C2orf92: variants seen among roughly 807,000 people sequenced by gnomAD.
C2orf92 encodes chromosome 2 open reading frame 92, also known as uncharacterized protein C2orf92.
intron 5 of C2orf92, among the ~76,000 whole-genome samples, chr2:97,693,477 G>T (rs971988683): frequency 6.6e-6 from 1 of 152,070 alleles, no homozygotes; most frequent in Non-Finnish European, 1.5e-5. Context: ...TCACATCCTT[G>T]TTAACATTTG....
Position 97,702,901 on chromosome 2 carries a change from G to A in C2orf92, c.*100G>A, listed in dbSNP as rs77652378. ...AGGCAATTCCATTTCTGCCCGGGAG[G>A]TGTATTCTACAAAAACGTCTGCTTC... On this transcript the variant is annotated 3_prime_UTR_variant, in exon 8 of 8. Transcript: ENST00000627399. The A allele has an allele frequency of 1.7e-3, 691 of 397,556 alleles. 1 individual carries two copies. Among genetic ancestry groups the A allele is most frequent in the African/African-American group, 0.01 (507 of 48,718 alleles). The allele number at this position is 397,556 out of a possible 1,614,324, so 24.6% of individuals were successfully genotyped here.
upstream of C2orf92, chr2:97,663,980 C>A: frequency 1.2e-6 from 1 of 829,654 alleles, no homozygotes; most frequent in Non-Finnish European, 1.6e-6. Context: ...GCGGCGGCTC[C>A]CGACGCGGCG....
At chr2:97,702,573 G>A (rs954167227) in intron 7 of C2orf92, 96 bp from the exon 8 acceptor site, 4 of 397,428 alleles carry the variant, frequency 1.0e-5, no homozygotes, top group African/African-American at 6.2e-5. Context: ...GAATCCTCAC[G>A]CTGGGAAGCG....
intron 5 of C2orf92, among the ~76,000 whole-genome samples, chr2:97,695,018 T>A (rs1241339683): frequency 6.6e-6 from 1 of 152,238 alleles, no homozygotes; most frequent in Non-Finnish European, 1.5e-5. Flanking sequence ...TTGTATATTG[T>A]TGGGTGTCAG....
intron 6 of C2orf92, among the ~76,000 whole-genome samples, chr2:97,699,843 T>C (rs1392205948): frequency 6.6e-6 from 1 of 152,324 alleles, no homozygotes; most frequent in African/African-American, 2.4e-5. Flanking sequence ...GCTTAGAAAT[T>C]AAATGCTGAA....
intron 3 of C2orf92, among the ~76,000 whole-genome samples, chr2:97,678,093 G>A (rs1012505647): frequency 6.6e-6 from 1 of 152,024 alleles, no homozygotes; most frequent in African/African-American, 2.4e-5. Context: ...CCACCTACTC[G>A]GGAGGCTGAG....
At chr2:97,702,557 G>C in intron 7 of C2orf92, 112 bp from the exon 8 acceptor site, 1 of 397,098 alleles carries the variant, frequency 2.5e-6, no homozygotes, top group Non-Finnish European at 4.4e-6. Context: ...TTACTGATGG[G>C]AAGCAGAATC....
chr2:97,667,671 A>G (rs1448243604), upstream of C2orf92, among the ~76,000 whole-genome samples: 1 of 151,972 alleles, frequency 6.6e-6, no homozygotes, highest in African/African-American at 2.4e-5. Flanking sequence ...TGACCTTGTG[A>G]TCTGCCTGCC....
chr2:97,692,025 T>C (rs900443462), intron 5 of C2orf92, among the ~76,000 whole-genome samples: 3 of 152,358 alleles, frequency 2.0e-5, no homozygotes, highest in African/African-American at 7.2e-5. Flanking sequence ...ATGTGAACTT[T>C]AACATCAACT....
rs1386178386 is a variant in C2orf92, at chr2:97,700,286, T to C, written c.515-868T>C. Reference sequence around the variant, plus strand: ...TGGCCTTGTGTTTGCCTCGTGCTGGTGCAGACATGAAATCTCCCAAACCTA... The same window carrying C: ...TGGCCTTGTGTTTGCCTCGTGCTGGCGCAGACATGAAATCTCCCAAACCTA... On this transcript the variant is annotated intron_variant, in intron 6 of 7. Coordinates refer to ENST00000627399, the MANE Select transcript of C2orf92 (RefSeq NM_001351368.2). 3.3e-5 allele frequency among the ~76,000 whole-genome samples: 5 copies of C among 152,290 alleles called. No individual in the cohort carries two copies. The East Asian group carries it at 9.6e-4, about 29-fold the overall frequency.
intron 5 of C2orf92, among the ~76,000 whole-genome samples, chr2:97,695,649 T>C (rs990573259): frequency 6.6e-6 from 1 of 152,264 alleles, no homozygotes; most frequent in Non-Finnish European, 1.5e-5. Flanking sequence ...AAACTGTTTC[T>C]TCAGTCAATT....
upstream of C2orf92, chr2:97,667,859 CATT>C (rs1411984386): frequency 7.9e-5 from 12 of 152,100 alleles, no homozygotes; most frequent in African/African-American, 2.7e-4. Context: ...GAATAAACAT[CATT>C]GTTTTTTTAG....
intron 3 of C2orf92, among the ~76,000 whole-genome samples, chr2:97,679,242 A>G (rs745827262): frequency 2.6e-5 from 4 of 152,142 alleles, no homozygotes; most frequent in South Asian, 2.1e-4. Context: ...GGTTTCATCT[A>G]TAACTTCTGC....
chr2:97,689,328 A>G (rs1338040951), intron 4 of C2orf92, among the ~76,000 whole-genome samples: 1 of 152,214 alleles, frequency 6.6e-6, no homozygotes, highest in Non-Finnish European at 1.5e-5. Flanking sequence ...CCCCAGCAGC[A>G]TCCTAACTTT....
chr2:97,698,885 G>A, intron 5 of C2orf92, 141 bp from the exon 6 acceptor site: 1 of 393,552 alleles, frequency 2.5e-6, no homozygotes, highest in Non-Finnish European at 4.5e-6. Context: ...AAACACTGAG[G>A]TTCTGTAGGA....
chr2:97,695,378 A>G (rs1297946257), intron 5 of C2orf92, among the ~76,000 whole-genome samples: 1 of 152,184 alleles, frequency 6.6e-6, no homozygotes, highest in Non-Finnish European at 1.5e-5. Context: ...TTCGCATATG[A>G]TATCCTGTTT....
intron 5 of C2orf92, among the ~76,000 whole-genome samples, chr2:97,696,499 G>A (rs1676309540): frequency 6.6e-6 from 1 of 152,222 alleles, no homozygotes; most frequent in Non-Finnish European, 1.5e-5. Context: ...CACTTGGGAG[G>A]CCGAGGCAGG....
upstream of C2orf92, among the ~76,000 whole-genome samples, chr2:97,666,426 A>G (rs1192948585): frequency 6.6e-6 from 1 of 150,474 alleles, no homozygotes; most frequent in East Asian, 2.0e-4. Context: ...TGTCCCAGCT[A>G]CTCAGGAGGC....
At chr2:97,675,595 A>G (rs1028425948) in intron 2 of C2orf92, 3 of 367,504 alleles carry the variant, frequency 8.2e-6, no homozygotes, top group Admixed American at 4.6e-5. Context: ...CATGTGCACA[A>G]ATCTCTCAAT....
Sources: allele counts gnomAD v4.1 joint callset (sites outside exome capture counted in the v4.1 genomes callset), GRCh38; gene constraint gnomAD v4.1.1; transcripts MANE v1.5; gene names NCBI Gene and HGNC (gene_info 2026-07-23, HGNC 2026-07-21).